CNTNAP5: variants seen among roughly 807,000 people sequenced by gnomAD.
CNTNAP5 encodes contactin associated protein family member 5.
CNTNAP5 carries 72 observed loss-of-function variants against 150.2 expected under a neutral mutation model. The ratio of observed to expected loss-of-function variants is 0.48; its 90% confidence interval spans 0.40 to 0.58. The LOEUF (loss-of-function observed/expected upper bound fraction) is 0.58. Among genes scored for constraint, CNTNAP5 ranks in the 20% least tolerant of loss-of-function variants. The probability of loss-of-function intolerance (pLI) is 0.00; values close to 1 mark genes in which losing one functional copy is unlikely to be tolerated. For synonymous variants in CNTNAP5, 672 were observed against 619.8 expected (o/e 1.08, Z -1.25); for missense variants, 1,636 against 1,626.2 (o/e 1.01, Z -0.10).
At chr2:124,415,846 C>T (rs749546725) in intron 3 of CNTNAP5, among the ~76,000 whole-genome samples, 15 of 151,892 alleles carry the variant, frequency 9.9e-5, no homozygotes, top group African/African-American at 1.9e-4. Flanking sequence ...TTTTTTGCTA[C>T]GTATATTTAC....
chr2:124,357,148 G>A (rs1690035135), intron 3 of CNTNAP5, among the ~76,000 whole-genome samples: 1 of 151,952 alleles, frequency 6.6e-6, no homozygotes, highest in Non-Finnish European at 1.5e-5. Flanking sequence ...CTTTTTGATG[G>A]GGTTGTTTGT....
chr2:124,623,331 T>C (rs896134265), intron 12 of CNTNAP5, among the ~76,000 whole-genome samples: 1 of 152,182 alleles, frequency 6.6e-6, no homozygotes, highest in African/African-American at 2.4e-5. Context: ...TGTCTCCCCA[T>C]CCCTTCCACC....
intron 3 of CNTNAP5, among the ~76,000 whole-genome samples, chr2:124,401,168 TTA>T (rs1362186287): frequency 6.6e-6 from 1 of 152,184 alleles, no homozygotes; most frequent in East Asian, 1.9e-4. Context: ...GCCCAGCCAA[TTA>T]TCTCTTACAC....
intron 1 of CNTNAP5, among the ~76,000 whole-genome samples, chr2:124,044,152 T>C (rs1007960116): frequency 6.6e-6 from 1 of 152,240 alleles, no homozygotes; most frequent in Non-Finnish European, 1.5e-5. Flanking sequence ...ATATAGCCTC[T>C]GTCTATAGCA....
chr2:124,557,328 T>TA (rs59366701), intron 10 of CNTNAP5, among the ~76,000 whole-genome samples: 11 of 149,998 alleles, frequency 7.3e-5, no homozygotes, highest in South Asian at 2.1e-4. Flanking sequence ...TCTCACCTCT[T>TA]AAAAAAAAAA....
At chr2:124,592,302 C>T (rs190778462) in intron 11 of CNTNAP5, among the ~76,000 whole-genome samples, 181 of 151,820 alleles carry the variant, frequency 1.2e-3, no homozygotes, top group African/African-American at 4.3e-3. Flanking sequence ...TGCTAAATTC[C>T]ACATTTAGGA....
chr2:124,775,610 G>A (rs909303208), intron 17 of CNTNAP5, among the ~76,000 whole-genome samples: 3 of 152,138 alleles, frequency 2.0e-5, no homozygotes, highest in African/African-American at 7.2e-5. Context: ...CACTGCCCCT[G>A]TCATTGGAAT....
intron 11 of CNTNAP5, among the ~76,000 whole-genome samples, chr2:124,588,986 C>G (rs955239415): frequency 1.3e-5 from 2 of 152,118 alleles, no homozygotes; most frequent in African/African-American, 4.8e-5. Context: ...TGGGACCTGA[C>G]CTACAACATA....
At chr2:124,700,015 T>C (rs1679487207) in intron 13 of CNTNAP5, among the ~76,000 whole-genome samples, 1 of 152,186 alleles carries the variant, frequency 6.6e-6, no homozygotes, top group South Asian at 2.1e-4. Flanking sequence ...TCCATTCTCT[T>C]CTCCTCTAAG....
chr2:124,197,242 A>G (rs571431821), intron 1 of CNTNAP5, among the ~76,000 whole-genome samples: 2 of 152,284 alleles, frequency 1.3e-5, no homozygotes, highest in East Asian at 3.9e-4. Context: ...CCACCTTTGC[A>G]GATCGCATAT....
chr2:124,708,862 T>C (rs939608527), intron 13 of CNTNAP5, among the ~76,000 whole-genome samples: 8 of 152,200 alleles, frequency 5.3e-5, no homozygotes, highest in African/African-American at 1.9e-4. Flanking sequence ...GTCCATGCTA[T>C]CTTTGGTGAA....
At chr2:124,493,688 A>T (rs111884931) in intron 7 of CNTNAP5, among the ~76,000 whole-genome samples, 1 of 151,952 alleles carries the variant, frequency 6.6e-6, no homozygotes, top group Non-Finnish European at 1.5e-5. Context: ...AATTACACAC[A>T]TTCCTTCCTA....
chr2:124,035,387 T>A lies in CNTNAP5; in HGVS notation c.82+9655T>A, dbSNP rs944150711. On this transcript the variant is annotated intron_variant, in intron 1 of 23. Coordinates refer to ENST00000682447, the MANE Select transcript of CNTNAP5 (RefSeq NM_001367498.1). The stretch of plus-strand genomic sequence containing the variant: ...TTCCTCTCGTCTCTCTTCCCCATGT[T>A]CTTCTACTCCTTTCCTTTCTATCTT... Among the ~76,000 whole-genome samples, 6 of 96,148 alleles carry A rather than the reference T, an allele frequency of 6.2e-5. No homozygotes were observed. The East Asian group carries it at 2.0e-3, about 32-fold the overall frequency. 63.1% of individuals were successfully genotyped at this position (96,148 alleles called of 152,430 possible).
At chr2:124,351,317 G>C (rs1042133315) in intron 3 of CNTNAP5, among the ~76,000 whole-genome samples, 1 of 152,192 alleles carries the variant, frequency 6.6e-6, no homozygotes, top group African/African-American at 2.4e-5. Context: ...AAAGTACGGA[G>C]AGAAGGCCAG....
chr2:124,240,653 T>A (rs903506003), intron 2 of CNTNAP5, among the ~76,000 whole-genome samples: 1 of 136,254 alleles, frequency 7.3e-6, no homozygotes, highest in African/African-American at 2.7e-5. Context: ...TTCTCAGGAA[T>A]GGTGAGAAAA....
intron 1 of CNTNAP5, among the ~76,000 whole-genome samples, chr2:124,087,443 G>C (rs565079666): frequency 6.6e-6 from 1 of 151,774 alleles, no homozygotes; most frequent in Non-Finnish European, 1.5e-5. Flanking sequence ...AATATTTTTG[G>C]CTGGGCGTAG....
At chr2:124,693,292 G>A (rs1177583054) in intron 13 of CNTNAP5, among the ~76,000 whole-genome samples, 1 of 152,114 alleles carries the variant, frequency 6.6e-6, no homozygotes, top group East Asian at 1.9e-4. Context: ...ACTATGCTCT[G>A]AGATGATCTC....
At chr2:124,570,331 C>T (rs940213171) in intron 11 of CNTNAP5, among the ~76,000 whole-genome samples, 2 of 152,054 alleles carry the variant, frequency 1.3e-5, no homozygotes, top group Non-Finnish European at 1.5e-5. Context: ...AGGAAGAGCA[C>T]CGACAACGGC....
intron 1 of CNTNAP5, among the ~76,000 whole-genome samples, chr2:124,170,260 T>G (rs1007334632): frequency 1.1e-4 from 3 of 27,484 alleles, no homozygotes; most frequent in African/African-American, 2.4e-4. Context: ...ATGTTTTTGT[T>G]TTTGTTTTTC....
Sources: gnomAD v4.1 joint callset for allele counts (sites outside exome capture counted in the v4.1 genomes callset) on GRCh38, gnomAD v4.1.1 for gene constraint, MANE v1.5 for transcripts, NCBI Gene and HGNC (gene_info 2026-07-23, HGNC 2026-07-21) for gene names.